Variants in KDM4B observed in about 807,000 individuals in gnomAD.
KDM4B encodes the protein lysine demethylase 4B.
KDM4B carries 32 observed loss-of-function variants against 125.2 expected under a neutral mutation model. That is an observed-to-expected ratio of 0.26 (90% CI 0.19 to 0.34). The LOEUF (loss-of-function observed/expected upper bound fraction) is 0.34. KDM4B is among the 10% of genes least tolerant of loss of function. The probability of loss-of-function intolerance (pLI) is 1.00; values close to 1 mark genes in which losing one functional copy is unlikely to be tolerated. For missense variants in KDM4B, 1,190 were observed against 1,577.7 expected, an observed-to-expected ratio of 0.75 and a Z score of 4.16; for synonymous variants, 721 against 677.9, an observed-to-expected ratio of 1.06 and a Z score of -0.99.
intron 11 of KDM4B, among the ~76,000 whole-genome samples, chr19:5,120,516 C>T (rs1425188084): frequency 6.6e-6 from 1 of 152,138 alleles, no homozygotes; most frequent in Non-Finnish European, 1.5e-5. Context: ...CAGCCGCCTT[C>T]CCACAGGAGT....
intron 6 of KDM4B, among the ~76,000 whole-genome samples, chr19:5,056,604 C>T (rs2037403683): frequency 6.6e-6 from 1 of 152,150 alleles, no homozygotes; most frequent in East Asian, 1.9e-4. Context: ...TGGGGTTTCA[C>T]CATGTTGGCT....
chr19:5,134,085 C>T (rs2251561), intron 14 of KDM4B, 24 bp downstream of exon 14: 412,745 of 1,561,740 alleles, frequency 0.26, 56,445 homozygotes, highest in East Asian at 0.48. Context: ...CCTCACGGGT[C>T]CCAGAGAACC....
At chr19:5,127,350 C>T (rs1599239195) in intron 11 of KDM4B, among the ~76,000 whole-genome samples, 1 of 152,178 alleles carries the variant, frequency 6.6e-6, no homozygotes, top group Admixed American at 6.5e-5. Flanking sequence ...CGGGGTGTGC[C>T]GCCGTCTTTC....
intron 18 of KDM4B, chr19:5,140,748 T>G (rs80143193): frequency 5.3e-5 from 8 of 149,636 alleles, no homozygotes; most frequent in African/African-American, 1.7e-4. Context: ...AAAAAAAAGA[T>G]GAGGAGAGCA....
intron 9 of KDM4B, among the ~76,000 whole-genome samples, chr19:5,089,930 G>A (rs1316086013): frequency 6.6e-6 from 1 of 152,156 alleles, no homozygotes; most frequent in Non-Finnish European, 1.5e-5. Flanking sequence ...CCAGCATTTA[G>A]GGAGGCCGAG....
At chr19:5,091,929 A>G (rs1439116153) in intron 9 of KDM4B, among the ~76,000 whole-genome samples, 1 of 151,726 alleles carries the variant, frequency 6.6e-6, no homozygotes, top group Non-Finnish European at 1.5e-5. Context: ...TGCTGTGTGA[A>G]ATATGTCTCC....
At chr19:5,148,252 A>G (rs532798266) in intron 21 of KDM4B, among the ~76,000 whole-genome samples, 1 of 152,240 alleles carries the variant, frequency 6.6e-6, no homozygotes, top group South Asian at 2.1e-4. Context: ...CCCTGTGGAG[A>G]CTCATAGTGA....
At chr19:5,068,514 T>C (rs1409836978) in intron 6 of KDM4B, among the ~76,000 whole-genome samples, 3 of 152,204 alleles carry the variant, frequency 2.0e-5, no homozygotes, top group African/African-American at 7.2e-5. Flanking sequence ...CTCACTCAGT[T>C]CTGTGTGTCC....
intron 9 of KDM4B, among the ~76,000 whole-genome samples, chr19:5,086,779 C>T (rs189637847): frequency 3.9e-4 from 60 of 152,366 alleles, no homozygotes; most frequent in Middle Eastern, 3.4e-3. Flanking sequence ...CAGCTACAGC[C>T]GTGAGCAGGC....
intron 2 of KDM4B, among the ~76,000 whole-genome samples, chr19:5,026,676 G>T (rs1489703215): frequency 1.3e-5 from 2 of 152,176 alleles, no homozygotes; most frequent in Non-Finnish European, 2.9e-5. Context: ...GCTGCCCTTG[G>T]GATGGGTCAG....
chr19:5,125,780 C>CA (rs2039438259), intron 11 of KDM4B, among the ~76,000 whole-genome samples: 1 of 150,512 alleles, frequency 6.6e-6, no homozygotes, highest in South Asian at 2.1e-4. Flanking sequence ...GCCCACCCCC[C>CA]GCCCCCCGCC....
chr19:5,074,084 G>A (rs1183710159), intron 7 of KDM4B: 5 of 153,176 alleles, frequency 3.3e-5, no homozygotes, highest in Non-Finnish European at 5.8e-5. Flanking sequence ...CTTCAGCCTG[G>A]GTGACAGAGT....
At chr19:5,006,590 T>C (rs1050214557) in intron 1 of KDM4B, among the ~76,000 whole-genome samples, 1 of 152,042 alleles carries the variant, frequency 6.6e-6, no homozygotes, top group Admixed American at 6.6e-5. Flanking sequence ...CTGGCAAACA[T>C]GGTGAAACAC....
chr19:5,051,633 C>T (rs911909855), intron 6 of KDM4B, among the ~76,000 whole-genome samples: 2 of 152,174 alleles, frequency 1.3e-5, no homozygotes, highest in South Asian at 2.1e-4. Flanking sequence ...AGCGCAGGTG[C>T]GTGGCAGCCA....
chr19:5,058,518 C>G (rs2037479612), intron 6 of KDM4B, among the ~76,000 whole-genome samples: 1 of 152,136 alleles, frequency 6.6e-6, no homozygotes, highest in Non-Finnish European at 1.5e-5. Context: ...TACTCTTGGC[C>G]ATGTTCCAGG....
intron 7 of KDM4B, chr19:5,074,493 G>A (rs915436340): frequency 6.6e-6 from 1 of 152,256 alleles, no homozygotes; most frequent in Non-Finnish European, 1.5e-5. Context: ...ATGTGCTGGC[G>A]CCTTATTGGT....
intron 11 of KDM4B, among the ~76,000 whole-genome samples, chr19:5,120,758 C>G (rs1211074089): frequency 2.6e-5 from 4 of 152,156 alleles, no homozygotes; most frequent in Non-Finnish European, 4.4e-5. Context: ...GGGCTCCCCG[C>G]TGGGAGCCCT....
chr19:5,102,653 G>A (rs1306257007), intron 9 of KDM4B, among the ~76,000 whole-genome samples: 1 of 152,158 alleles, frequency 6.6e-6, no homozygotes, highest in Non-Finnish European at 1.5e-5. Flanking sequence ...GCAGGGAATC[G>A]AGGCCCCGGC....
At chr19:5,119,433 C>T (rs986661346) in intron 10 of KDM4B, among the ~76,000 whole-genome samples, 1 of 152,180 alleles carries the variant, frequency 6.6e-6, no homozygotes, top group Non-Finnish European at 1.5e-5. Flanking sequence ...TCCATTGCCC[C>T]GTCTCCCTTT....
Sources: gnomAD v4.1 joint callset for allele counts (sites outside exome capture counted in the v4.1 genomes callset) on GRCh38, gnomAD v4.1.1 for gene constraint, MANE v1.5 for transcripts, NCBI Gene and HGNC (gene_info 2026-07-23, HGNC 2026-07-21) for gene names.